FBXL17: variants seen among roughly 807,000 people sequenced by gnomAD.
FBXL17 encodes the protein F-box/LRR-repeat protein 17.
A neutral mutation model predicts 66.2 loss-of-function variants in FBXL17; 22 were observed. That is an observed-to-expected ratio of 0.33 (90% CI 0.24 to 0.47). The LOEUF is 0.47. Among genes scored for constraint, FBXL17 ranks in the 20% least tolerant of loss-of-function variants. The pLI, the probability that FBXL17 is intolerant of heterozygous loss-of-function variation, is 1.00. For missense variants in FBXL17, 878 were observed against 948.2 expected, an observed-to-expected ratio of 0.93 and a Z score of 0.97; for synonymous variants, 474 against 400.5, an observed-to-expected ratio of 1.18 and a Z score of -2.19.
At chr5:108,059,769 T>A (rs903178973) in intron 6 of FBXL17, among the ~76,000 whole-genome samples, 6 of 152,174 alleles carry the variant, frequency 3.9e-5, no homozygotes, top group Non-Finnish European at 2.9e-5. Context: ...TCCTTGCTAA[T>A]ACACGTACAA....
intron 5 of FBXL17, among the ~76,000 whole-genome samples, chr5:108,187,266 A>G (rs2150033568): frequency 6.6e-6 from 1 of 152,368 alleles, no homozygotes; most frequent in Non-Finnish European, 1.5e-5. Flanking sequence ...TCAAATATTA[A>G]GCTATTTTTG....
chr5:107,945,529 G>A (rs896992761), intron 7 of FBXL17, among the ~76,000 whole-genome samples: 1 of 151,986 alleles, frequency 6.6e-6, no homozygotes, highest in Non-Finnish European at 1.5e-5. Flanking sequence ...ACATATAAGA[G>A]CAAACGTGAA....
chr5:108,336,808 A>C (rs1760404592), intron 4 of FBXL17, among the ~76,000 whole-genome samples: 1 of 152,132 alleles, frequency 6.6e-6, no homozygotes, highest in South Asian at 2.1e-4. Flanking sequence ...ATTGCTATAG[A>C]ATAAAGTATA....
intron 5 of FBXL17, among the ~76,000 whole-genome samples, chr5:108,188,326 TCTAA>T (rs1333148822): frequency 1.3e-5 from 2 of 152,224 alleles, no homozygotes; most frequent in Middle Eastern, 3.2e-3. Context: ...GTAAATTCTT[TCTAA>T]CTGAGACAGA....
At chr5:107,933,945 T>G (rs1008456765) in intron 7 of FBXL17, among the ~76,000 whole-genome samples, 23 of 152,156 alleles carry the variant, frequency 1.5e-4, no homozygotes, top group African/African-American at 4.3e-4. Context: ...TCTGAATTCC[T>G]ACAGCGAGAT....
At chr5:108,083,184 C>T (rs1052362449) in intron 6 of FBXL17, among the ~76,000 whole-genome samples, 1 of 150,270 alleles carries the variant, frequency 6.7e-6, no homozygotes, top group Admixed American at 6.7e-5. Context: ...AGAAACAATC[C>T]ATCTCCATGG....
intron 7 of FBXL17, among the ~76,000 whole-genome samples, chr5:107,962,358 T>C (rs569505028): frequency 6.6e-6 from 1 of 152,298 alleles, no homozygotes; most frequent in African/African-American, 2.4e-5. Context: ...ATGCTTTCAC[T>C]GTGACCATAA....
intron 6 of FBXL17, among the ~76,000 whole-genome samples, chr5:108,120,021 G>A (rs1033882369): frequency 6.6e-6 from 1 of 152,188 alleles, no homozygotes; most frequent in Non-Finnish European, 1.5e-5. Context: ...TGTGCTCTTT[G>A]TGTTGGTCTA....
intron 6 of FBXL17, among the ~76,000 whole-genome samples, chr5:108,060,957 T>G (rs1224899794): frequency 1.3e-5 from 2 of 151,994 alleles, no homozygotes; most frequent in African/African-American, 4.8e-5. Context: ...CAACCAGACA[T>G]CTTGCCAGCA....
intron 7 of FBXL17, among the ~76,000 whole-genome samples, chr5:107,942,873 A>G (rs938742433): frequency 6.6e-6 from 1 of 152,020 alleles, no homozygotes; most frequent in Non-Finnish European, 1.5e-5. Context: ...TGCTTCTCTA[A>G]GTATTTTGGC....
At chr5:108,233,420 G>C (rs1453026843) in intron 4 of FBXL17, among the ~76,000 whole-genome samples, 1 of 152,140 alleles carries the variant, frequency 6.6e-6, no homozygotes, top group Non-Finnish European at 1.5e-5. Context: ...ATACTCACAG[G>C]CTATGGGAAA....
intron 5 of FBXL17, among the ~76,000 whole-genome samples, chr5:108,220,712 C>T (rs921620382): frequency 2.0e-5 from 3 of 152,178 alleles, no homozygotes; most frequent in Non-Finnish European, 4.4e-5. Flanking sequence ...TTGGGTCCTT[C>T]GACATGTTCC....
At chr5:108,131,657 G>A (rs912627550) in intron 6 of FBXL17, among the ~76,000 whole-genome samples, 1 of 151,742 alleles carries the variant, frequency 6.6e-6, no homozygotes, top group African/African-American at 2.4e-5. Context: ...TTGCTACAGA[G>A]GAAATTTCAA....
intron 6 of FBXL17, among the ~76,000 whole-genome samples, chr5:108,070,336 A>C (rs776982275): frequency 6.6e-6 from 1 of 152,214 alleles, no homozygotes; most frequent in Non-Finnish European, 1.5e-5. Flanking sequence ...TTAACTCTTA[A>C]ATATATTTTC....
intron 7 of FBXL17, among the ~76,000 whole-genome samples, chr5:107,897,952 G>A (rs1193890413): frequency 6.6e-6 from 1 of 152,076 alleles, no homozygotes; most frequent in African/African-American, 2.4e-5. Context: ...AGGGGTAGAG[G>A]ATTTCAAGAT....
chr5:108,129,482 A>G (rs1160396705), intron 6 of FBXL17, among the ~76,000 whole-genome samples: 2 of 152,104 alleles, frequency 1.3e-5, no homozygotes, highest in African/African-American at 4.8e-5. Flanking sequence ...CTAATTGAAT[A>G]TCATTTTCCT....
In FBXL17 at chr5:108,221,955, A is replaced by G. The variant is rs1754883998; in HGVS notation, c.1614+2166T>C. The stretch of plus-strand genomic sequence containing the variant: ...CTTAGTTGTACACACCAGTTTTCTC[A>G]TCAAAGAAAAGGCTCTGTTGAAGAA... On this transcript the variant is annotated intron_variant, in intron 5 of 8. Coordinates refer to ENST00000542267, the MANE Select transcript of FBXL17 (RefSeq NM_001163315.3). Among the ~76,000 whole-genome samples, 3 of 152,178 alleles carry G rather than the reference A, an allele frequency of 2.0e-5. No individual in the cohort carries two copies. In the South Asian group the frequency reaches 6.2e-4, roughly 32 times the overall value.
chr5:108,355,038 A>G (rs1747888943), intron 3 of FBXL17, among the ~76,000 whole-genome samples: 1 of 152,114 alleles, frequency 6.6e-6, no homozygotes, highest in Non-Finnish European at 1.5e-5. Flanking sequence ...TTCAGAAACA[A>G]GGAAAATGAC....
intron 7 of FBXL17, among the ~76,000 whole-genome samples, chr5:107,968,201 T>A (rs868748424): frequency 1.3e-5 from 2 of 152,112 alleles, no homozygotes; most frequent in Admixed American, 6.6e-5. Context: ...TATTTTCAGA[T>A]GAAGAGCTCT....
Sources: allele counts gnomAD v4.1 joint callset (sites outside exome capture counted in the v4.1 genomes callset), GRCh38; gene constraint gnomAD v4.1.1; transcripts MANE v1.5; gene names NCBI Gene and HGNC (gene_info 2026-07-23, HGNC 2026-07-21).